Variants in PTPRO observed in about 807,000 individuals in gnomAD.
PTPRO encodes protein tyrosine phosphatase receptor type O.
In PTPRO, 62 loss-of-function variants were observed where a neutral mutation model predicts 145.2. That is an observed-to-expected ratio of 0.43 (90% CI 0.35 to 0.53). PTPRO has a LOEUF of 0.53. PTPRO is among the 20% of genes least tolerant of loss of function. The pLI is 0.01. For synonymous variants in PTPRO, 565 were observed against 514.7 expected, an observed-to-expected ratio of 1.10 and a Z score of -1.32; for missense variants, 1,345 against 1,482.7, an observed-to-expected ratio of 0.91 and a Z score of 1.53.
At chr12:15,371,026 A>G (rs1408168010) in intron 1 of PTPRO, among the ~76,000 whole-genome samples, 2 of 152,212 alleles carry the variant, frequency 1.3e-5, no homozygotes, top group African/African-American at 4.8e-5. Flanking sequence ...TGGATTATGT[A>G]ATACTATAAT....
chr12:15,557,415 G>A (rs1040407163), intron 15 of PTPRO, 40 bp from the exon 16 acceptor site: 2 of 1,533,466 alleles, frequency 1.3e-6, no homozygotes, highest in East Asian at 4.5e-5. Flanking sequence ...AGAATGCTTT[G>A]TCAAGCAGTA....
At chr12:15,508,867 T>A in intron 7 of PTPRO, 100 bp downstream of exon 7, 1 of 1,217,230 alleles carries the variant, frequency 8.2e-7, no homozygotes, top group Non-Finnish European at 1.2e-6. Flanking sequence ...GGCTGAGGTC[T>A]GCTGGGATGG....
At chr12:15,401,108 TCATTCAGAAACATG>T (rs1939480686) in intron 1 of PTPRO, among the ~76,000 whole-genome samples, 1 of 152,172 alleles carries the variant, frequency 6.6e-6, no homozygotes, top group African/African-American at 2.4e-5. Flanking sequence ...CTTGCCACAG[TCATTCAGAAACATG>T]GGCCAGTGGT....
intron 2 of PTPRO, among the ~76,000 whole-genome samples, chr12:15,487,529 G>T (rs1941914663): frequency 6.6e-6 from 1 of 152,256 alleles, no homozygotes; most frequent in African/African-American, 2.4e-5. Context: ...TTTTCTTGCT[G>T]TCCTCTTAGT....
chr12:15,412,757 T>C (rs1159125005), intron 1 of PTPRO, among the ~76,000 whole-genome samples: 1 of 152,202 alleles, frequency 6.6e-6, no homozygotes, highest in East Asian at 1.9e-4. Context: ...AACATTCCAG[T>C]GTATAGAGGC....
chr12:15,473,995 G>A (rs914503716), intron 1 of PTPRO, among the ~76,000 whole-genome samples: 2 of 152,144 alleles, frequency 1.3e-5, no homozygotes, highest in African/African-American at 4.8e-5. Flanking sequence ...ACAGGTAAAA[G>A]GCTACAGAGG....
rs61550924 is a variant in PTPRO at position 15,556,211 on chromosome 12, A to G, written c.2559-1244A>G. Among the ~76,000 whole-genome samples the G allele has an allele frequency of 1.4e-3, 208 of 152,354 alleles. 2 individuals carry two copies. The East Asian group carries it at 0.038, about 28-fold the overall frequency. The stretch of plus-strand genomic sequence containing the variant: ...AATCCCATATATAGGAAATTGACAT[A>G]GGAAAATTCATTAATGATGTGTAAA... On this transcript the variant is annotated intron_variant, in intron 15 of 26. Transcript: ENST00000281171.
intron 19 of PTPRO, among the ~76,000 whole-genome samples, chr12:15,571,380 C>G (rs1035837736): frequency 6.6e-6 from 1 of 152,146 alleles, no homozygotes; most frequent in Non-Finnish European, 1.5e-5. Flanking sequence ...CTCCGCCTCC[C>G]AGGTTCAAGT....
chr12:15,512,748 C>A (rs1207525271), intron 7 of PTPRO, among the ~76,000 whole-genome samples: 1 of 152,170 alleles, frequency 6.6e-6, no homozygotes, highest in Non-Finnish European at 1.5e-5. Flanking sequence ...AATCCTAGCA[C>A]TTTGGGAGGC....
chr12:15,448,650 ATAAT>A (rs1379898800), intron 1 of PTPRO, among the ~76,000 whole-genome samples: 2 of 152,152 alleles, frequency 1.3e-5, no homozygotes, highest in African/African-American at 4.8e-5. Flanking sequence ...AAACTACCAT[ATAAT>A]CCAGCAATCT....
intron 10 of PTPRO, among the ~76,000 whole-genome samples, chr12:15,521,444 C>T (rs1249940938): frequency 6.6e-6 from 1 of 152,156 alleles, no homozygotes; most frequent in Non-Finnish European, 1.5e-5. Context: ...ATGATAATCA[C>T]ATATTTAATT....
intron 1 of PTPRO, among the ~76,000 whole-genome samples, chr12:15,452,214 A>T (rs919421845): frequency 6.6e-5 from 10 of 152,196 alleles, no homozygotes; most frequent in African/African-American, 2.4e-4. Flanking sequence ...TACTATGAAC[A>T]CCTTTATGTG....
intron 1 of PTPRO, among the ~76,000 whole-genome samples, chr12:15,471,342 T>G (rs914997104): frequency 6.6e-6 from 1 of 152,112 alleles, no homozygotes; most frequent in African/African-American, 2.4e-5. Flanking sequence ...ATCCGGCCAC[T>G]GCACTCCAGC....
At chr12:15,574,449 A>T (rs891172832) in intron 19 of PTPRO, among the ~76,000 whole-genome samples, 4 of 152,204 alleles carry the variant, frequency 2.6e-5, no homozygotes, top group Non-Finnish European at 5.9e-5. Flanking sequence ...TTTGATCAGG[A>T]TACTAGTAAA....
At chr12:15,402,782 T>C (rs1428178445) in intron 1 of PTPRO, among the ~76,000 whole-genome samples, 1 of 152,110 alleles carries the variant, frequency 6.6e-6, no homozygotes, top group Non-Finnish European at 1.5e-5. Flanking sequence ...TAGTAGAGAA[T>C]AATAAGAGAA....
intron 1 of PTPRO, among the ~76,000 whole-genome samples, chr12:15,424,275 G>A (rs1201698721): frequency 6.6e-6 from 1 of 151,982 alleles, no homozygotes; most frequent in South Asian, 2.1e-4. Flanking sequence ...TTTTCCACTG[G>A]AGTAAAAAGA....
chr12:15,568,678 C>A (rs1468974190), intron 18 of PTPRO, among the ~76,000 whole-genome samples: 1 of 150,972 alleles, frequency 6.6e-6, no homozygotes, highest in Non-Finnish European at 1.5e-5. Flanking sequence ...AAACTTGATT[C>A]TTATTCTCAA....
chr12:15,492,536 T>A (rs143866460), intron 2 of PTPRO, among the ~76,000 whole-genome samples: 20 of 151,964 alleles, frequency 1.3e-4, no homozygotes, highest in African/African-American at 4.3e-4. Context: ...GATGTGACCC[T>A]ATCTCAAAAA....
chr12:15,326,716 C>T, intron 1 of PTPRO, among the ~76,000 whole-genome samples: 1 of 152,162 alleles, frequency 6.6e-6, no homozygotes, highest in East Asian at 1.9e-4. Context: ...AGTTGATGCA[C>T]TTAAGTAAAA....
Sources: gnomAD v4.1 joint callset for allele counts (sites outside exome capture counted in the v4.1 genomes callset) on GRCh38, gnomAD v4.1.1 for gene constraint, MANE v1.5 for transcripts, NCBI Gene and HGNC (gene_info 2026-07-23, HGNC 2026-07-21) for gene names.